IL2RA: variants seen among roughly 807,000 people sequenced by gnomAD.
IL2RA encodes the protein interleukin-2 receptor subunit alpha.
In IL2RA, 24 loss-of-function variants were observed where a neutral mutation model predicts 37.8. The ratio of observed to expected loss-of-function variants is 0.63; its 90% CI spans 0.46 to 0.89. The LOEUF is 0.89. Among genes scored for constraint, IL2RA ranks in the 40% least tolerant of loss-of-function variants. The pLI is 0.00. For missense variants in IL2RA, 319 were observed against 348.6 expected (o/e 0.92, Z 0.68); for synonymous variants, 125 against 114.6 (o/e 1.09, Z -0.58).
chr10:6,049,724 A>G (rs533960246), intron 1 of IL2RA, among the ~76,000 whole-genome samples: 52 of 152,314 alleles, frequency 3.4e-4, no homozygotes, highest in African/African-American at 1.1e-3. Flanking sequence ...CCACCTTGCT[A>G]GTGCCTGCAC....
intron 3 of IL2RA, among the ~76,000 whole-genome samples, chr10:6,023,663 C>A (rs1377751371): frequency 2.6e-5 from 4 of 152,200 alleles, no homozygotes; most frequent in African/African-American, 9.6e-5. Flanking sequence ...AACTGAATCC[C>A]AATTCAGTCG....
chr10:6,019,290 G>A, intron 6 of IL2RA, 138 bp downstream of exon 6: 1 of 776,582 alleles, frequency 1.3e-6, no homozygotes, highest in Non-Finnish European at 2.4e-6. Context: ...CAATCAACTA[G>A]CCAACCTACC....
chr10:6,042,154 A>AAAAAAAAAAAAAAAAAAAAC (rs1839783112), intron 1 of IL2RA, among the ~76,000 whole-genome samples: 1 of 146,256 alleles, frequency 6.8e-6, no homozygotes, highest in Non-Finnish European at 1.5e-5. Context: ...TAAGCAAAAA[A>AAAAAAAAAAAAAAAAAAAAC]AAAAAAAAAA....
At chr10:6,034,790 C>T (rs1247334051) in intron 1 of IL2RA, among the ~76,000 whole-genome samples, 1 of 152,180 alleles carries the variant, frequency 6.6e-6, no homozygotes, top group African/African-American at 2.4e-5. Context: ...AAATCATTCT[C>T]TCCCGGAATA....
rs544533398 is a variant in IL2RA, at chr10:6,048,062, C to T, written c.64+14026G>A. Among the ~76,000 whole-genome samples the T allele has an allele frequency of 6.6e-6, 1 of 152,334 alleles. No homozygotes were observed. The highest frequency in any genetic ancestry group is 1.9e-4 in the East Asian group (1 of 5,192). ...CGTGCTCTTACGCACAAGTGTCTGC[C>T]TGTCCTCCCGCCTATCCTCCCTCAT... On this transcript the variant is annotated intron_variant, in intron 1 of 7. Transcript: ENST00000379959. This position sits in a 1 kb window ranked among gnomAD's most constrained non-coding sequence, Gnocchi z 5.3.
At position 6,054,897 on chromosome 10, in the gene IL2RA, A is replaced by G. The variant is rs1158238270; in HGVS notation, c.64+7191T>C. On this transcript the variant is annotated intron_variant, in intron 1 of 7. Coordinates refer to ENST00000379959, the MANE Select transcript of IL2RA (RefSeq NM_000417.3). This position sits in a 1 kb window ranked among gnomAD's most constrained non-coding sequence, Gnocchi z 4.5. ...TTTTTTTAAGAGGCAGAGTCTCACT[A>G]TGTTGCCCAGGCTGGTTTTGAACTC... is the stretch of plus-strand genomic sequence containing the variant. Among the ~76,000 whole-genome samples, 9 of 151,890 alleles carry G rather than the reference A, an allele frequency of 5.9e-5. No individual in the cohort carries two copies. The highest frequency in any genetic ancestry group is 4.6e-4 in the Admixed American group (7 of 15,242).
At chr10:6,061,239 T>C (rs902910598) in intron 1 of IL2RA, among the ~76,000 whole-genome samples, 1 of 151,992 alleles carries the variant, frequency 6.6e-6, no homozygotes, top group African/African-American at 2.4e-5. Context: ...AAAAATAAAT[T>C]AACCAGGTGT....
rs1839537352 is a variant in IL2RA at position 6,029,251 on chromosome 10, G to GC, written c.65-3227dup. ...GCAATCTTGACTCACTGCAACCTCT[G>GC]CCCCCCGGGTTCAAGCGATTCTCCT... On this transcript the variant is annotated intron_variant, in intron 1 of 7. Coordinates refer to ENST00000379959, the MANE Select transcript of IL2RA (RefSeq NM_000417.3). This position sits in a 1 kb window ranked among gnomAD's most constrained non-coding sequence, Gnocchi z 4.6. Among the ~76,000 whole-genome samples the GC allele has an allele frequency of 1.3e-5, 2 of 151,018 alleles. No individual in the cohort carries two copies. Among genetic ancestry groups the GC allele is most frequent in the Non-Finnish European group, 2.9e-5 (2 of 67,828 alleles).
At chr10:6,030,716 G>A (rs886542459) in intron 1 of IL2RA, among the ~76,000 whole-genome samples, 21 of 152,172 alleles carry the variant, frequency 1.4e-4, no homozygotes, top group Non-Finnish European at 3.1e-4. Context: ...TAAATATTTA[G>A]ATAAGTGAAA....
At position 6,012,136 on chromosome 10, in the gene IL2RA, C is replaced by T. The variant is rs1347893105; in HGVS notation, c.*736G>A. ...GTAAAACTTTGCTAAGTATGATTCTCTGCCTGGGACCTCATTCATCCTTCT... is the reference window on the plus strand; with the variant it reads ...GTAAAACTTTGCTAAGTATGATTCTTTGCCTGGGACCTCATTCATCCTTCT... On this transcript the variant is annotated 3_prime_UTR_variant, in exon 8 of 8. Transcript: ENST00000379959. This position sits in a 1 kb window ranked among gnomAD's most constrained non-coding sequence, Gnocchi z 4.8. 1 of 152,618 alleles carries T rather than the reference C, an allele frequency of 6.6e-6. No individual in the cohort carries two copies. The highest frequency in any genetic ancestry group is 1.5e-5 in the Non-Finnish European group (1 of 68,248). The allele number at this position is 152,618 out of a possible 1,614,324, so 9.5% of individuals were successfully genotyped here.
chr10:6,032,404 A>G (rs1839609538), intron 1 of IL2RA, among the ~76,000 whole-genome samples: 1 of 152,216 alleles, frequency 6.6e-6, no homozygotes, highest in Non-Finnish European at 1.5e-5. Flanking sequence ...AAGAAAATGA[A>G]AAAGTAGGCA....
intron 1 of IL2RA, among the ~76,000 whole-genome samples, chr10:6,038,491 C>T (rs1210901032): frequency 6.6e-6 from 1 of 152,188 alleles, no homozygotes; most frequent in Admixed American, 6.5e-5. Context: ...ATACTGTCAT[C>T]CCCACTTTAG....
intron 1 of IL2RA, among the ~76,000 whole-genome samples, chr10:6,040,634 GTC>G (rs1331976829): frequency 7.9e-5 from 12 of 152,080 alleles, no homozygotes; most frequent in Non-Finnish European, 1.6e-4. Flanking sequence ...TTTGCCTTTT[GTC>G]TCTCTTTTCC....
chr10:6,022,740 G>T lies in IL2RA; in HGVS notation c.368-1047C>A, dbSNP rs1028420136. 3.9e-5 allele frequency among the ~76,000 whole-genome samples: 6 copies of T among 152,238 alleles called. No individual in the cohort carries two copies. Among genetic ancestry groups the T allele is most frequent in the African/African-American group, 1.4e-4 (6 of 41,454 alleles). On this transcript the variant is annotated intron_variant, in intron 3 of 7. Coordinates refer to ENST00000379959, the MANE Select transcript of IL2RA (RefSeq NM_000417.3). This position sits in a 1 kb window ranked among gnomAD's most constrained non-coding sequence, Gnocchi z 4.7. ...AACTGTCTGAACATGTTTGAATTGG[G>T]TTTGCTTCTTTCCAATGAAAACACC...
intron 1 of IL2RA, among the ~76,000 whole-genome samples, chr10:6,031,635 A>C (rs1346206499): frequency 6.6e-6 from 1 of 151,046 alleles, no homozygotes; most frequent in African/African-American, 2.4e-5. Flanking sequence ...AATGTTTGTA[A>C]ATAAGCCTAC....
At position 6,018,943 on chromosome 10, in the gene IL2RA, C is replaced by T. The variant is rs1839325861; in HGVS notation, c.727+485G>A. Among the ~76,000 whole-genome samples the T allele has an allele frequency of 6.6e-6, 1 of 152,134 alleles. No homozygotes were observed. The highest frequency in any genetic ancestry group is 1.5e-5 in the Non-Finnish European group (1 of 68,034). ...ATCTACCAACCAACTCACTAACCAA[C>T]CAACCAGCTAACCAACCAAACTACC... On this transcript the variant is annotated intron_variant, in intron 6 of 7. Transcript: ENST00000379959. This position sits in a 1 kb window ranked among gnomAD's most constrained non-coding sequence, Gnocchi z 5.1.
chr10:6,044,024 C>A lies in IL2RA; in HGVS notation c.65-17999G>T, dbSNP rs890808825. The stretch of plus-strand genomic sequence containing the variant: ...AACTTTATCAGAGAAAGAAACCCCC[C>A]TCTCCCCAAACTCAGTGGCAAGTCC... On this transcript the variant is annotated intron_variant, in intron 1 of 7. Coordinates refer to ENST00000379959, the MANE Select transcript of IL2RA (RefSeq NM_000417.3). The surrounding 1 kb of genome is among the most constrained non-coding windows in gnomAD (Gnocchi z 4.5). 6.6e-6 allele frequency among the ~76,000 whole-genome samples: 1 copy of A among 152,216 alleles called. No homozygotes were observed. Among genetic ancestry groups the A allele is most frequent in the Non-Finnish European group, 1.5e-5 (1 of 68,038 alleles).
chr10:6,024,372 A>T lies in IL2RA; in HGVS notation c.257-18T>A. 1 of 1,516,726 alleles carries T rather than the reference A, an allele frequency of 6.6e-7. No individual in the cohort carries two copies. The highest frequency in any genetic ancestry group is 9.2e-7 in the Non-Finnish European group (1 of 1,091,118). The allele number at this position is 1,516,726 out of a possible 1,614,324, so 94.0% of individuals were successfully genotyped here. A position where few individuals can be genotyped will look rare whatever the true frequency, so the allele number is the denominator to read the frequency against. On this transcript the variant is annotated intron_variant, in intron 2 of 7. Coordinates refer to ENST00000379959, the MANE Select transcript of IL2RA (RefSeq NM_000417.3). ...CCGAGTGGCTAGAAAATATAGATGGAATGATGCAGATAATTTCACAAATGC... is the reference window on the plus strand; with the variant it reads ...CCGAGTGGCTAGAAAATATAGATGGTATGATGCAGATAATTTCACAAATGC...
At chr10:6,031,480 A>ATACG (rs1839583511) in intron 1 of IL2RA, among the ~76,000 whole-genome samples, 1 of 31,006 alleles carries the variant, frequency 3.2e-5, no homozygotes, top group Non-Finnish European at 5.6e-5. Flanking sequence ...ATATATATAT[A>ATACG]TATATATATA....
Sources: allele counts gnomAD v4.1 joint callset (sites outside exome capture counted in the v4.1 genomes callset), GRCh38; gene constraint gnomAD v4.1.1; non-coding constraint Gnocchi (gnomAD v3.1); transcripts MANE v1.5; gene names NCBI Gene and HGNC (gene_info 2026-07-23, HGNC 2026-07-21).